TGFBR1: variants seen among roughly 807,000 people sequenced by gnomAD.
TGFBR1 encodes transforming growth factor beta receptor 1.
In TGFBR1, 20 loss-of-function variants were observed where a neutral mutation model predicts 55.1. The observed-to-expected ratio is 0.36, with a 90% confidence interval of 0.26 to 0.53. TGFBR1 has a LOEUF of 0.53. TGFBR1 is among the 20% of genes least tolerant of loss of function. TGFBR1 has a pLI of 0.91. For missense variants in TGFBR1, 385 were observed against 617.6 expected (o/e 0.62, Z 3.99); for synonymous variants, 220 against 214.8 (o/e 1.02, Z -0.21).
chr9:99,142,847 T>C, intron 5 of TGFBR1, 144 bp downstream of exon 5: 1 of 875,020 alleles, frequency 1.1e-6, no homozygotes, highest in Non-Finnish European at 1.8e-6. Flanking sequence ...TCGCCCGATC[T>C]CAGGAGTTCA....
intron 8 of TGFBR1, among the ~76,000 whole-genome samples, chr9:99,148,062 C>G (rs919073959): frequency 6.6e-5 from 10 of 152,336 alleles, no homozygotes; most frequent in Non-Finnish European, 1.5e-4. Context: ...TGCCTCCCTT[C>G]AGCCGGGGCA....
At chr9:99,112,041 T>A (rs1232283899) in intron 1 of TGFBR1, among the ~76,000 whole-genome samples, 1 of 152,134 alleles carries the variant, frequency 6.6e-6, no homozygotes, top group African/African-American at 2.4e-5. Context: ...GCATTCTAAG[T>A]TTCAGGATTT....
chr9:99,111,863 A>T (rs1826591912), intron 1 of TGFBR1, among the ~76,000 whole-genome samples: 1 of 152,162 alleles, frequency 6.6e-6, no homozygotes. Flanking sequence ...GAAAAAATTG[A>T]TGCTGAGGAA....
At chr9:99,117,508 T>C (rs896701821) in intron 1 of TGFBR1, among the ~76,000 whole-genome samples, 1 of 152,222 alleles carries the variant, frequency 6.6e-6, no homozygotes, top group African/African-American at 2.4e-5. Flanking sequence ...ACCTCTCACA[T>C]TGAGATGTAT....
rs1340108372 is a variant in TGFBR1, at chr9:99,105,258, C to T, written c.53C>T (p.Ala18Val). Residue 18 changes from alanine to valine, a missense_variant, in exon 1 of 9, where the codon GCG becomes GTG. By Grantham distance (64) the Ala-to-Val change is moderately conservative. Transcript: ENST00000374994. ...CCCCGGCTGCTCCTCCTCGTGCTGG[C>T]GGCGGCGGCGGCGGCGGCGGCGGCG... ...PRPRLLLLVL[A>V]AAAAAAAALL... 1 of 819,780 alleles carries T rather than the reference C, an allele frequency of 1.2e-6. No individual in the cohort carries two copies. The allele number at this position is 819,780 out of a possible 1,614,324, so 50.8% of individuals were successfully genotyped here.
chr9:99,125,327 G>A (rs1171929619), intron 1 of TGFBR1, among the ~76,000 whole-genome samples: 1 of 152,060 alleles, frequency 6.6e-6, no homozygotes, highest in Non-Finnish European at 1.5e-5. Flanking sequence ...TTTGTTCATT[G>A]GAAGATAAGG....
intron 4 of TGFBR1, among the ~76,000 whole-genome samples, chr9:99,139,056 A>G (rs373968921): frequency 1.3e-5 from 2 of 152,136 alleles, no homozygotes; most frequent in African/African-American, 4.8e-5. Flanking sequence ...TCACCCTCCC[A>G]AAGTGCTGGG....
At chr9:99,108,618 A>G (rs1826480407) in intron 1 of TGFBR1, among the ~76,000 whole-genome samples, 1 of 151,978 alleles carries the variant, frequency 6.6e-6, no homozygotes, top group Non-Finnish European at 1.5e-5. Context: ...TCAGAGGGGG[A>G]TTTGATGAGT....
chr9:99,112,020 G>A (rs1027194959), intron 1 of TGFBR1, among the ~76,000 whole-genome samples: 9 of 152,186 alleles, frequency 5.9e-5, no homozygotes, highest in Admixed American at 5.2e-4. Context: ...GATGGCATGT[G>A]TGGAGAAAGA....
chr9:99,140,161 A>G (rs1827565958), intron 4 of TGFBR1, among the ~76,000 whole-genome samples: 1 of 152,194 alleles, frequency 6.6e-6, no homozygotes, highest in Non-Finnish European at 1.5e-5. Flanking sequence ...TAAGTTAAAA[A>G]CAAAACAGGC....
chr9:99,133,682 C>A (rs1827322834), intron 3 of TGFBR1, among the ~76,000 whole-genome samples: 1 of 152,150 alleles, frequency 6.6e-6, no homozygotes, highest in Non-Finnish European at 1.5e-5. Context: ...TTGATAAAAA[C>A]ACTTCAAGTG....
chr9:99,117,387 C>T (rs931889461), intron 1 of TGFBR1, among the ~76,000 whole-genome samples: 8 of 151,966 alleles, frequency 5.3e-5, no homozygotes, highest in East Asian at 1.9e-4. Flanking sequence ...CGTGAGCCAC[C>T]GTGCCCGGCC....
intron 1 of TGFBR1, among the ~76,000 whole-genome samples, chr9:99,118,823 T>C (rs1437036670): frequency 6.6e-6 from 1 of 152,042 alleles, no homozygotes; most frequent in East Asian, 1.9e-4. Flanking sequence ...AAACTTTTAT[T>C]TTGGCATCTT....
At chr9:99,131,088 A>G (rs184423859) in intron 2 of TGFBR1, among the ~76,000 whole-genome samples, 25 of 152,322 alleles carry the variant, frequency 1.6e-4, no homozygotes, top group Non-Finnish European at 3.4e-4. Flanking sequence ...AGAAGACAGA[A>G]TACCAGGCAA....
At position 99,128,809 on chromosome 9, in the gene TGFBR1, A is replaced by G. The variant is rs753385623; in HGVS notation, c.98-46A>G. On this transcript the variant is annotated intron_variant, in intron 1 of 8. Transcript: ENST00000374994. ...TAGAGTGAATATTGGATAATTTCAA[A>G]CTGTTAACCTTGAGATTTTTTCTAA... is the stretch of plus-strand genomic sequence containing the variant. 24 of 1,608,734 alleles carry G rather than the reference A, an allele frequency of 1.5e-5. No individual in the cohort carries two copies. The Admixed American group carries it at 2.2e-4, about 15-fold the overall frequency.
chr9:99,119,228 G>A (rs945743674), intron 1 of TGFBR1, among the ~76,000 whole-genome samples: 6 of 152,144 alleles, frequency 3.9e-5, no homozygotes, highest in Non-Finnish European at 7.4e-5. Context: ...CCTCTGCCCC[G>A]AGTCAATGGC....
chr9:99,109,822 G>A lies in TGFBR1; in HGVS notation c.97+4520G>A, dbSNP rs372665408. ...GGCAGATGCTGGCATATTTCTCAGG[G>A]ATTTTTTAATGCTTTGTCCCATAGA... On this transcript the variant is annotated intron_variant, in intron 1 of 8. Transcript: ENST00000374994. Among the ~76,000 whole-genome samples the A allele has an allele frequency of 2.3e-4, 35 of 152,274 alleles. No homozygotes were observed. In the East Asian group the frequency reaches 3.5e-3, roughly 15 times the overall value.
chr9:99,150,175 TTAATTAGTA>T lies in TGFBR1; in HGVS notation c.*871_*879del, dbSNP rs1239419417. On this transcript the variant is annotated 3_prime_UTR_variant, in exon 9 of 9. Transcript: ENST00000374994. ...AAGCCACTAAAGAAATGAAGTGGCA[TTAATTAGTA>T]AATTATTAGCATGGTCATGTTTGAA... The T allele has an allele frequency of 5.3e-6, 1 of 190,234 alleles. No individual in the cohort carries two copies. Among genetic ancestry groups the T allele is most frequent in the Non-Finnish European group, 1.1e-5 (1 of 90,528 alleles). The allele number at this position is 190,234 out of a possible 1,614,324, so 11.8% of individuals were successfully genotyped here. A position where few individuals can be genotyped will look rare whatever the true frequency, so the allele number is the denominator to read the frequency against.
At chr9:99,123,516 G>A (rs1401449687) in intron 1 of TGFBR1, among the ~76,000 whole-genome samples, 4 of 152,144 alleles carry the variant, frequency 2.6e-5, no homozygotes, top group Admixed American at 6.6e-5. Context: ...TTAGCATGGG[G>A]ATAGTGGTAT....
Sources: gnomAD v4.1 joint callset for allele counts (sites outside exome capture counted in the v4.1 genomes callset) on GRCh38, gnomAD v4.1.1 for gene constraint, MANE v1.5 for transcripts, NCBI Gene and HGNC (gene_info 2026-07-23, HGNC 2026-07-21) for gene names.